The following EPHA6 variants were observed in gnomAD, a reference collection of about 807,000 sequenced individuals.
The protein encoded by EPHA6 is ephrin type-A receptor 6.
In EPHA6, 50 loss-of-function variants were observed where a neutral mutation model predicts 112.0. The ratio of observed to expected loss-of-function variants is 0.45; its 90% CI spans 0.36 to 0.56. The LOEUF (loss-of-function observed/expected upper bound fraction) is 0.56, where lower values mean the gene tolerates loss of function less well. Ranked by LOEUF, EPHA6 falls within the 20% of genes least tolerant of loss-of-function variation. The probability of loss-of-function intolerance (pLI) is 0.00; values close to 1 mark genes in which losing one functional copy is unlikely to be tolerated. For synonymous variants in EPHA6, 529 were observed against 490.7 expected, an observed-to-expected ratio of 1.08 and a Z score of -1.03; for missense variants, 1,280 against 1,417.4, an observed-to-expected ratio of 0.90 and a Z score of 1.56.
intron 7 of EPHA6, among the ~76,000 whole-genome samples, chr3:97,468,548 C>A (rs2091131499): frequency 6.6e-6 from 1 of 151,154 alleles, no homozygotes; most frequent in African/African-American, 2.4e-5. Flanking sequence ...CAGTATAATA[C>A]TAAGTTGACT....
At position 97,443,580 on chromosome 3, in the gene EPHA6, G is replaced by T. The variant is rs149984000; in HGVS notation, c.1732-4988G>T. Among the ~76,000 whole-genome samples, 494 of 152,148 alleles carry T rather than the reference G, an allele frequency of 3.2e-3. 3 individuals carry two copies. Among genetic ancestry groups the T allele is most frequent in the African/African-American group, 0.011 (464 of 41,530 alleles). ...TACTGTATATTCCATGCAAGACTGG[G>T]TGATTTATTTGCCTCCTATATTACT... On this transcript the variant is annotated intron_variant, in intron 6 of 17. Transcript: ENST00000389672.
At chr3:97,659,403 T>C (rs564046157) in intron 14 of EPHA6, among the ~76,000 whole-genome samples, 61 of 152,062 alleles carry the variant, frequency 4.0e-4, no homozygotes, top group Non-Finnish European at 8.1e-4. Flanking sequence ...ATGAATGAAA[T>C]TTATGCTTTT....
intron 3 of EPHA6, among the ~76,000 whole-genome samples, chr3:97,071,613 G>T (rs574715944): frequency 1.3e-5 from 2 of 152,096 alleles, no homozygotes; most frequent in South Asian, 4.2e-4. Flanking sequence ...GAGAAAGACT[G>T]GCCCCCATGA....
At chr3:97,306,035 C>A (rs2081305115) in intron 5 of EPHA6, among the ~76,000 whole-genome samples, 1 of 151,626 alleles carries the variant, frequency 6.6e-6, no homozygotes, top group Non-Finnish European at 1.5e-5. Flanking sequence ...TATGGACATA[C>A]AATGATATAT....
intron 5 of EPHA6, among the ~76,000 whole-genome samples, chr3:97,293,267 A>G (rs55830824): frequency 0.034 from 5,115 of 150,492 alleles, 263 homozygotes; most frequent in African/African-American, 0.11. Context: ...GAGGACACTC[A>G]TGATGTTCCA....
intron 3 of EPHA6, among the ~76,000 whole-genome samples, chr3:97,094,270 A>G (rs2047168866): frequency 6.6e-6 from 1 of 152,172 alleles, no homozygotes; most frequent in African/African-American, 2.4e-5. Flanking sequence ...GAAATCCTAG[A>G]GCAAATAATC....
intron 5 of EPHA6, among the ~76,000 whole-genome samples, chr3:97,252,649 G>C (rs939123547): frequency 3.3e-5 from 5 of 152,184 alleles, no homozygotes; most frequent in African/African-American, 1.2e-4. Flanking sequence ...ATGGCTAAGA[G>C]TGGGGGAGTG....
At chr3:96,834,524 A>G (rs954957207) in intron 1 of EPHA6, among the ~76,000 whole-genome samples, 63 of 152,140 alleles carry the variant, frequency 4.1e-4, no homozygotes, top group African/African-American at 1.4e-3. Flanking sequence ...CTGAATTGCT[A>G]AGGGTGGATA....
intron 5 of EPHA6, among the ~76,000 whole-genome samples, chr3:97,356,704 A>G (rs1577075807): frequency 6.6e-6 from 1 of 152,084 alleles, no homozygotes; most frequent in Non-Finnish European, 1.5e-5. Flanking sequence ...TTGAAATTTA[A>G]TTAGTGGCCT....
chr3:96,831,555 A>C (rs2034081899), intron 1 of EPHA6, among the ~76,000 whole-genome samples: 1 of 152,056 alleles, frequency 6.6e-6, no homozygotes, highest in Admixed American at 6.6e-5. Context: ...ATTAAGAATA[A>C]AGATGATCCA....
At chr3:96,859,283 TC>T (rs2035874809) in intron 1 of EPHA6, among the ~76,000 whole-genome samples, 1 of 152,138 alleles carries the variant, frequency 6.6e-6, no homozygotes, top group Non-Finnish European at 1.5e-5. Context: ...TGTATTTGTT[TC>T]AAAATTATGG....
chr3:97,525,757 T>A (rs774397417), intron 10 of EPHA6, among the ~76,000 whole-genome samples: 1 of 152,178 alleles, frequency 6.6e-6, no homozygotes. Flanking sequence ...GAAACTGCAG[T>A]TGGCAGTGTT....
At chr3:97,228,574 A>T (rs939277190) in intron 4 of EPHA6, among the ~76,000 whole-genome samples, 2 of 145,660 alleles carry the variant, frequency 1.4e-5, no homozygotes, top group Non-Finnish European at 3.1e-5. Context: ...ATGTCATATA[A>T]ATGTTATATA....
intron 2 of EPHA6, among the ~76,000 whole-genome samples, chr3:96,878,236 C>T (rs182769252): frequency 6.6e-6 from 1 of 151,754 alleles, no homozygotes; most frequent in African/African-American, 2.4e-5. Flanking sequence ...GTTTGGATGA[C>T]CATAAGCCCT....
chr3:97,119,400 G>A (rs983162880), intron 3 of EPHA6, among the ~76,000 whole-genome samples: 1 of 151,964 alleles, frequency 6.6e-6, no homozygotes, highest in East Asian at 1.9e-4. Context: ...ACCTGTTTAT[G>A]CCTCTGGGCG....
intron 1 of EPHA6, among the ~76,000 whole-genome samples, chr3:96,849,005 G>A (rs1469828014): frequency 6.6e-6 from 1 of 152,060 alleles, no homozygotes; most frequent in African/African-American, 2.4e-5. Context: ...TGAAAAAAGT[G>A]GAAATTTCCT....
chr3:97,581,147 T>C lies in EPHA6; in HGVS notation c.2387-11465T>C, dbSNP rs140135820. ...AAATACATAAATGAGAAGGCACATATGCAACCCTGGGATAAATGTTGGGAA... is the reference window on the plus strand; with the variant it reads ...AAATACATAAATGAGAAGGCACATACGCAACCCTGGGATAAATGTTGGGAA... On this transcript the variant is annotated intron_variant, in intron 11 of 17. Coordinates refer to ENST00000389672, the MANE Select transcript of EPHA6 (RefSeq NM_001080448.3). Among the ~76,000 whole-genome samples the C allele has an allele frequency of 1.8e-4, 28 of 152,328 alleles. No homozygotes were observed. In the East Asian group the frequency reaches 4.4e-3, roughly 24 times the overall value.
intron 11 of EPHA6, among the ~76,000 whole-genome samples, chr3:97,563,573 T>C (rs1281818536): frequency 1.3e-5 from 2 of 152,194 alleles, no homozygotes; most frequent in East Asian, 3.9e-4. Flanking sequence ...GTTCAAACCA[T>C]CACTTTAGCA....
chr3:97,679,114 T>A (rs181973487), intron 14 of EPHA6, among the ~76,000 whole-genome samples: 2 of 152,298 alleles, frequency 1.3e-5, no homozygotes, highest in Admixed American at 1.3e-4. Flanking sequence ...TCTTAAGTTA[T>A]ACATTGCAAT....
Sources: gnomAD v4.1 joint callset for allele counts (sites outside exome capture counted in the v4.1 genomes callset) on GRCh38, gnomAD v4.1.1 for gene constraint, MANE v1.5 for transcripts, NCBI Gene and HGNC (gene_info 2026-07-23, HGNC 2026-07-21) for gene names.